CRISP1: variants seen among roughly 807,000 people sequenced by gnomAD.
The protein encoded by CRISP1 is cysteine-rich secretory protein 1.
CRISP1 carries 44 observed loss-of-function variants against 33.1 expected under a neutral mutation model. That is an observed-to-expected ratio of 1.33 (90% CI 1.05 to 1.71). CRISP1 has a LOEUF of 1.71. Ranked by LOEUF, CRISP1 falls within the 40% of genes most tolerant of loss-of-function variation. The probability of loss-of-function intolerance (pLI) is 0.00; values close to 1 mark genes in which losing one functional copy is unlikely to be tolerated. For synonymous variants in CRISP1, 103 were observed against 98.7 expected (o/e 1.04, Z -0.26); for missense variants, 390 against 301.2 (o/e 1.29, Z -2.18).
intron 2 of CRISP1, among the ~76,000 whole-genome samples, chr6:49,852,503 CT>C (rs1771378813): frequency 6.6e-6 from 1 of 152,194 alleles, no homozygotes; most frequent in Non-Finnish European, 1.5e-5. Flanking sequence ...ATCTCCCACC[CT>C]GCAACAACTG....
intron 3 of CRISP1, 66 bp from the exon 4 acceptor site, chr6:49,848,365 T>C (rs1771253008): frequency 1.0e-6 from 1 of 963,290 alleles, no homozygotes; most frequent in South Asian, 1.7e-5. Flanking sequence ...TAATTTATTG[T>C]TTTTAATAAT....
chr6:49,840,474 C>T (rs1770948398), intron 6 of CRISP1, among the ~76,000 whole-genome samples: 2 of 152,184 alleles, frequency 1.3e-5, no homozygotes, highest in South Asian at 2.1e-4. Flanking sequence ...GACTCCACTG[C>T]ATGTCTGTCC....
At chr6:49,865,933 C>T (rs1317401060) in intron 1 of CRISP1, among the ~76,000 whole-genome samples, 1 of 152,126 alleles carries the variant, frequency 6.6e-6, no homozygotes, top group Admixed American at 6.6e-5. Flanking sequence ...ATAGAGGCTG[C>T]CTTACAGTCT....
At chr6:49,851,413 G>T (rs1329897735) in intron 3 of CRISP1, among the ~76,000 whole-genome samples, 1 of 152,078 alleles carries the variant, frequency 6.6e-6, no homozygotes, top group Admixed American at 6.6e-5. Flanking sequence ...GAGCATAGCA[G>T]GTTTATAATG....
chr6:49,846,448 GT>G (rs1202669502), intron 5 of CRISP1, 71 bp downstream of exon 5: 2 of 1,452,404 alleles, frequency 1.4e-6, no homozygotes, highest in African/African-American at 1.4e-5. Context: ...ATTTTCAGTT[GT>G]TTCTTAGTTA....
At chr6:49,873,396 T>C (rs1317936372) in intron 1 of CRISP1, among the ~76,000 whole-genome samples, 1 of 152,092 alleles carries the variant, frequency 6.6e-6, no homozygotes, top group African/African-American at 2.4e-5. Context: ...GATTAAATAT[T>C]ATGAATCAAT....
chr6:49,850,550 T>C (rs372220762), intron 3 of CRISP1, among the ~76,000 whole-genome samples: 63 of 152,236 alleles, frequency 4.1e-4, no homozygotes, highest in African/African-American at 1.3e-3. Context: ...TTCAGTCCTA[T>C]TGTTCCTTAA....
chr6:49,836,062 G>T (rs1299568730), intron 7 of CRISP1, among the ~76,000 whole-genome samples: 2 of 152,078 alleles, frequency 1.3e-5, no homozygotes, highest in East Asian at 3.9e-4. Flanking sequence ...TAAATTTGTG[G>T]CAATAGCACC....
intron 5 of CRISP1, 150 bp from the exon 6 acceptor site, chr6:49,841,145 C>A (rs932310533): frequency 4.6e-6 from 3 of 653,226 alleles, no homozygotes; most frequent in East Asian, 2.7e-5. Flanking sequence ...AACAAAAGGA[C>A]TCCCACGTGT....
intron 5 of CRISP1, 72 bp downstream of exon 5, chr6:49,846,448 G>T (rs1771170379): frequency 6.9e-7 from 1 of 1,452,514 alleles, no homozygotes; most frequent in Non-Finnish European, 9.4e-7. Flanking sequence ...ATTTTCAGTT[G>T]TTTCTTAGTT....
intron 4 of CRISP1, 107 bp from the exon 5 acceptor site, chr6:49,846,775 A>C: frequency 9.3e-7 from 1 of 1,079,156 alleles, no homozygotes; most frequent in Non-Finnish European, 1.3e-6. Context: ...TCATCTTGAC[A>C]ACATCTTCTG....
At chr6:49,846,719 A>C in intron 4 of CRISP1, 51 bp from the exon 5 acceptor site, 1 of 1,552,814 alleles carries the variant, frequency 6.4e-7, no homozygotes, top group Non-Finnish European at 8.8e-7. Context: ...GGGAAATAGT[A>C]TACAAGGAGA....
chr6:49,847,149 TC>T lies in CRISP1; in HGVS notation c.287-482del, dbSNP rs774208080. The stretch of plus-strand genomic sequence containing the variant: ...GGCAGGCAGGAACCACTTTGCTAAT[TC>T]ACTGCTAAAAAGCATTGGACTAAGA... On this transcript the variant is annotated intron_variant, in intron 4 of 7. Transcript: ENST00000335847. Among the ~76,000 whole-genome samples, 33 of 152,334 alleles carry T rather than the reference TC, an allele frequency of 2.2e-4. No homozygotes were observed. In the South Asian group the frequency reaches 6.2e-3, roughly 29 times the overall value.
intron 1 of CRISP1, among the ~76,000 whole-genome samples, chr6:49,857,774 G>A (rs1771536345): frequency 6.6e-6 from 1 of 152,146 alleles, no homozygotes; most frequent in Non-Finnish European, 1.5e-5. Context: ...ATTTAATGTT[G>A]AAGAGGAAGT....
intron 7 of CRISP1, among the ~76,000 whole-genome samples, chr6:49,836,328 T>C (rs1206482409): frequency 6.6e-6 from 1 of 150,404 alleles, no homozygotes; most frequent in Non-Finnish European, 1.5e-5. Flanking sequence ...ATTTTATTTT[T>C]ATTTTTATTT....
intron 2 of CRISP1, among the ~76,000 whole-genome samples, chr6:49,856,472 C>T (rs1771501074): frequency 6.6e-6 from 1 of 152,092 alleles, no homozygotes; most frequent in South Asian, 2.1e-4. Flanking sequence ...TGGAGGATTA[C>T]TGGGCATTAA....
intron 1 of CRISP1, among the ~76,000 whole-genome samples, chr6:49,857,835 C>A (rs1275023105): frequency 6.6e-6 from 1 of 152,064 alleles, no homozygotes; most frequent in South Asian, 2.1e-4. Context: ...ACCAGTCATG[C>A]TGAATTTGAA....
Position 49,835,392 on chromosome 6 carries a change from TGG to T in CRISP1, c.672_673del (p.His225LeufsTer14), listed in dbSNP as rs749761574. The T allele has an allele frequency of 6.2e-7, 1 of 1,613,672 alleles. No individual in the cohort carries two copies. Among genetic ancestry groups the T allele is most frequent in the Non-Finnish European group, 8.5e-7 (1 of 1,179,618 alleles). On this transcript the variant is annotated frameshift_variant, in exon 8 of 8. Transcript: ENST00000335847. LOFTEE classifies it high-confidence loss of function. ...TGTTGAGTGGTTGCATCCCAGATAA[TGG>T]ACTTGTATGTCACAGTCGAAGTATT... is the stretch of plus-strand genomic sequence containing the variant.
At chr6:49,844,942 T>C (rs1561941261) in intron 5 of CRISP1, among the ~76,000 whole-genome samples, 1 of 152,164 alleles carries the variant, frequency 6.6e-6, no homozygotes, top group African/African-American at 2.4e-5. Flanking sequence ...GGTAAGACTT[T>C]GGGCCTTAGA....
Sources: gnomAD v4.1 joint callset for allele counts (sites outside exome capture counted in the v4.1 genomes callset) on GRCh38, gnomAD v4.1.1 for gene constraint, MANE v1.5 for transcripts, NCBI Gene and HGNC (gene_info 2026-07-23, HGNC 2026-07-21) for gene names.